Variants in BRINP1 observed in about 807,000 individuals in gnomAD.
BRINP1 encodes BMP/retinoic acid inducible neural specific 1, also known as BMP/retinoic acid-inducible neural-specific protein 1.
BRINP1 carries 17 observed loss-of-function variants against 72.9 expected under a neutral mutation model. The ratio of observed to expected loss-of-function variants is 0.23; its 90% CI spans 0.16 to 0.35. BRINP1 has a LOEUF of 0.35. Among genes scored for constraint, BRINP1 ranks in the 10% least tolerant of loss-of-function variants. The pLI, the probability that BRINP1 is intolerant of heterozygous loss-of-function variation, is 1.00. For synonymous variants in BRINP1, 418 were observed against 378.5 expected (o/e 1.10, Z -1.21); for missense variants, 850 against 1,001.6 (o/e 0.85, Z 2.04).
intron 1 of BRINP1, among the ~76,000 whole-genome samples, chr9:119,328,649 G>C (rs926171872): frequency 6.6e-6 from 1 of 152,184 alleles, no homozygotes; most frequent in Admixed American, 6.5e-5. Context: ...GGAGCCATAG[G>C]CTGATAACGG....
At chr9:119,168,295 G>T in intron 7 of BRINP1, 71 bp from the exon 8 acceptor site, 1 of 1,271,554 alleles carries the variant, frequency 7.9e-7, no homozygotes, top group Non-Finnish European at 1.0e-6. Context: ...TTATCCAACT[G>T]ATAATGCGAA....
intron 7 of BRINP1, among the ~76,000 whole-genome samples, chr9:119,171,406 G>C (rs1376280885): frequency 7.0e-6 from 1 of 142,352 alleles, no homozygotes; most frequent in Non-Finnish European, 1.6e-5. Flanking sequence ...TAATGGTAAA[G>C]GGATCAATTC....
At chr9:119,243,785 C>T (rs1830284411) in intron 3 of BRINP1, among the ~76,000 whole-genome samples, 1 of 152,182 alleles carries the variant, frequency 6.6e-6, no homozygotes, top group Non-Finnish European at 1.5e-5. Flanking sequence ...GTGACTCACA[C>T]TTGGGGTGAC....
chr9:119,181,708 G>C (rs182107448), intron 7 of BRINP1, among the ~76,000 whole-genome samples: 2 of 152,078 alleles, frequency 1.3e-5, no homozygotes, highest in East Asian at 3.9e-4. Context: ...CAACTCATTG[G>C]TTATTCAGTC....
chr9:119,199,255 T>C (rs1020723679), intron 7 of BRINP1, among the ~76,000 whole-genome samples: 1 of 152,114 alleles, frequency 6.6e-6, no homozygotes, highest in Non-Finnish European at 1.5e-5. Context: ...CAGGAGTCTA[T>C]GGAGATGAAA....
chr9:119,173,324 C>G (rs1588153662), intron 7 of BRINP1, among the ~76,000 whole-genome samples: 1 of 146,882 alleles, frequency 6.8e-6, no homozygotes, highest in Non-Finnish European at 1.5e-5. Flanking sequence ...CACAAGCATT[C>G]TTATACACCA....
intron 1 of BRINP1, among the ~76,000 whole-genome samples, chr9:119,361,502 C>T (rs967537084): frequency 1.3e-5 from 2 of 152,282 alleles, no homozygotes; most frequent in Middle Eastern, 6.8e-3. Context: ...AAGGTATGAC[C>T]TCTTTTAAAT....
intron 7 of BRINP1, among the ~76,000 whole-genome samples, chr9:119,193,719 T>G (rs114307742): frequency 6.6e-6 from 1 of 152,208 alleles, no homozygotes; most frequent in Non-Finnish European, 1.5e-5. Context: ...AAAAAATTAA[T>G]GTTTTACACT....
intron 1 of BRINP1, among the ~76,000 whole-genome samples, chr9:119,318,891 G>C (rs13289783): frequency 6.6e-6 from 1 of 151,428 alleles, no homozygotes; most frequent in Non-Finnish European, 1.5e-5. Flanking sequence ...GTGTGCAGGA[G>C]AGTGAGACCT....
intron 5 of BRINP1, among the ~76,000 whole-genome samples, chr9:119,229,026 C>G (rs953123169): frequency 6.6e-6 from 1 of 152,108 alleles, no homozygotes; most frequent in African/African-American, 2.4e-5. Flanking sequence ...GCCAAGTACA[C>G]TTTTTATGTA....
intron 7 of BRINP1, among the ~76,000 whole-genome samples, chr9:119,182,956 G>GAT (rs1396781782): frequency 6.6e-6 from 1 of 152,160 alleles, no homozygotes; most frequent in African/African-American, 2.4e-5. Flanking sequence ...AACTGGCAAT[G>GAT]ATATATTACT....
In BRINP1 at chr9:119,166,953, A is replaced by AT. The variant is rs1288824512; in HGVS notation, c.*130dup. The AT allele has an allele frequency of 2.0e-6, 2 of 1,018,092 alleles. No individual in the cohort carries two copies. Among genetic ancestry groups the AT allele is most frequent in the East Asian group, 2.4e-5 (1 of 40,878 alleles). The allele number at this position is 1,018,092 out of a possible 1,614,324, so 63.1% of individuals were successfully genotyped here. ...ACGTTTTCATTTCCAACAAATGAAG[A>AT]TTTTCCTCCTTTTCTTTGAATATTA... On this transcript the variant is annotated 3_prime_UTR_variant, in exon 8 of 8. Coordinates refer to ENST00000265922, the MANE Select transcript of BRINP1 (RefSeq NM_014618.3).
chr9:119,327,733 A>G (rs1831253963), intron 1 of BRINP1, among the ~76,000 whole-genome samples: 1 of 152,006 alleles, frequency 6.6e-6, no homozygotes, highest in African/African-American at 2.4e-5. Flanking sequence ...GTATACAATG[A>G]CTCTTAGTCT....
intron 1 of BRINP1, among the ~76,000 whole-genome samples, chr9:119,354,372 T>C (rs1157643946): frequency 1.3e-5 from 2 of 152,164 alleles, no homozygotes; most frequent in Non-Finnish European, 2.9e-5. Flanking sequence ...TACACAAAAA[T>C]GTAATGAAGC....
chr9:119,268,289 T>TAGATAGATAGATAGACAGACAGAC (rs1182856980), intron 2 of BRINP1, among the ~76,000 whole-genome samples: 5 of 148,708 alleles, frequency 3.4e-5, no homozygotes, highest in Admixed American at 2.0e-4. Context: ...GATAGATAGA[T>TAGATAGATAGATAGACAGACAGAC]AGATAGATAG....
chr9:119,263,711 C>T lies in BRINP1; in HGVS notation c.219-14561G>A, dbSNP rs558941258. 4.7e-5 allele frequency among the ~76,000 whole-genome samples: 7 copies of T among 147,656 alleles called. No homozygotes were observed. The East Asian group carries it at 1.5e-3, about 32-fold the overall frequency. ...CAAACTCCGCCTCCTGGGTTCACGCCATTCTCCTGCCTCAGCCTCCCAAGT... is the reference window on the plus strand; with the variant it reads ...CAAACTCCGCCTCCTGGGTTCACGCTATTCTCCTGCCTCAGCCTCCCAAGT... On this transcript the variant is annotated intron_variant, in intron 2 of 7. Transcript: ENST00000265922.
At chr9:119,244,985 T>G (rs1193640110) in intron 3 of BRINP1, among the ~76,000 whole-genome samples, 2 of 152,242 alleles carry the variant, frequency 1.3e-5, no homozygotes, top group African/African-American at 4.8e-5. Context: ...GGAGATGAGG[T>G]GTCTGGACTT....
chr9:119,362,483 T>C (rs535041465), intron 1 of BRINP1, among the ~76,000 whole-genome samples: 1 of 152,310 alleles, frequency 6.6e-6, no homozygotes, highest in Non-Finnish European at 1.5e-5. Flanking sequence ...ATGATAATTA[T>C]TTATAGATTT....
chr9:119,210,226 A>C (rs887760015), intron 6 of BRINP1, among the ~76,000 whole-genome samples: 1 of 152,228 alleles, frequency 6.6e-6, no homozygotes, highest in Non-Finnish European at 1.5e-5. Context: ...AAAATTAAAA[A>C]TATCAAGGGG....
Sources: gnomAD v4.1 joint callset for allele counts (sites outside exome capture counted in the v4.1 genomes callset) on GRCh38, gnomAD v4.1.1 for gene constraint, MANE v1.5 for transcripts, NCBI Gene and HGNC (gene_info 2026-07-23, HGNC 2026-07-21) for gene names.